The following ADGRG7 variants were observed in gnomAD, a reference collection of about 807,000 sequenced individuals.
The protein encoded by ADGRG7 is adhesion G protein-coupled receptor G7, also known as G-protein coupled receptor 128.
ADGRG7 carries 82 observed loss-of-function variants against 88.6 expected under a neutral mutation model. The observed-to-expected ratio is 0.93, with a 90% CI of 0.77 to 1.11. The LOEUF (loss-of-function observed/expected upper bound fraction) is 1.11. ADGRG7 is among the 50% of genes most tolerant of loss of function. The pLI, the probability that ADGRG7 is intolerant of heterozygous loss-of-function variation, is 0.00. For synonymous variants in ADGRG7, 381 were observed against 345.2 expected (o/e 1.10, Z -1.15); for missense variants, 945 against 953.4 (o/e 0.99, Z 0.12).
At chr3:100,653,531 A>G (rs1293175582) in intron 11 of ADGRG7, among the ~76,000 whole-genome samples, 1 of 152,242 alleles carries the variant, frequency 6.6e-6, no homozygotes, top group Non-Finnish European at 1.5e-5. Context: ...TGGCCTTCAC[A>G]TAAGCTTGCA....
chr3:100,640,271 A>G (rs1436084410), intron 6 of ADGRG7, among the ~76,000 whole-genome samples: 1 of 152,196 alleles, frequency 6.6e-6, no homozygotes, highest in Non-Finnish European at 1.5e-5. Flanking sequence ...GACAGACATC[A>G]GGCCTTAGTC....
intron 3 of ADGRG7, 127 bp from the exon 4 acceptor site, chr3:100,633,138 C>T (rs1006612155): frequency 4.6e-6 from 2 of 435,130 alleles, no homozygotes; most frequent in African/African-American, 2.1e-5. Context: ...TGGTATCTGC[C>T]TAAAAATAAT....
At chr3:100,624,030 T>G (rs1395330400) in intron 1 of ADGRG7, among the ~76,000 whole-genome samples, 1 of 152,186 alleles carries the variant, frequency 6.6e-6, no homozygotes, top group African/African-American at 2.4e-5. Flanking sequence ...TGTGTCTTTA[T>G]AGTGGAATGA....
At chr3:100,649,258 C>T (rs2094924568) in intron 10 of ADGRG7, among the ~76,000 whole-genome samples, 1 of 152,214 alleles carries the variant, frequency 6.6e-6, no homozygotes, top group African/African-American at 2.4e-5. Flanking sequence ...CTGCCCTCCA[C>T]ATTGGCAGGT....
At chr3:100,690,421 TC>T (rs2094991275) in intron 15 of ADGRG7, among the ~76,000 whole-genome samples, 1 of 152,218 alleles carries the variant, frequency 6.6e-6, no homozygotes, top group African/African-American at 2.4e-5. Context: ...GGAGCTGCAT[TC>T]CTTTGGAGGA....
chr3:100,659,867 G>A lies in ADGRG7; in HGVS notation c.1979+24G>A, dbSNP rs1471814962. 1.9e-6 allele frequency: 3 copies of A among 1,608,216 alleles called. No individual in the cohort carries two copies. The East Asian group carries it at 6.7e-5, about 36-fold the overall frequency. The stretch of plus-strand genomic sequence containing the variant: ...AGGTAAGATTCCCAATGAATGGGAA[G>A]CTGCCAGGCAAGGCTCATCCAGCAC... On this transcript the variant is annotated intron_variant, in intron 14 of 15. Coordinates refer to ENST00000273352, the MANE Select transcript of ADGRG7 (RefSeq NM_032787.3).
At chr3:100,666,801 C>G (rs565611119) in intron 14 of ADGRG7, among the ~76,000 whole-genome samples, 1 of 152,250 alleles carries the variant, frequency 6.6e-6, no homozygotes, top group South Asian at 2.1e-4. Context: ...GGCAGAGGTC[C>G]CTGAGTGTTT....
intron 14 of ADGRG7, among the ~76,000 whole-genome samples, chr3:100,664,485 A>T (rs1272533045): frequency 1.3e-5 from 2 of 152,158 alleles, no homozygotes; most frequent in African/African-American, 4.8e-5. Context: ...GTGATTGATG[A>T]ACATAGTTTC....
intron 1 of ADGRG7, among the ~76,000 whole-genome samples, chr3:100,627,515 C>T (rs1707396015): frequency 6.6e-6 from 1 of 151,976 alleles, no homozygotes; most frequent in African/African-American, 2.4e-5. Context: ...ATTTATTGGC[C>T]TGTAACTTTA....
At chr3:100,658,649 A>C (rs2094940745) in intron 13 of ADGRG7, among the ~76,000 whole-genome samples, 1 of 152,076 alleles carries the variant, frequency 6.6e-6, no homozygotes, top group African/African-American at 2.4e-5. Context: ...TCTTTGCTCA[A>C]ATACAGCTTT....
At position 100,609,965 on chromosome 3, in the gene ADGRG7, C is replaced by A; in HGVS notation, c.109C>A (p.Gln37Lys). 1 of 1,611,316 alleles carries A rather than the reference C, an allele frequency of 6.2e-7. No individual in the cohort carries two copies. The highest frequency in any genetic ancestry group is 1.1e-5 in the South Asian group (1 of 90,968). Residue 37 changes from glutamine to lysine, a missense_variant, in exon 1 of 16, where the codon CAA becomes AAA. Transcript: ENST00000273352. ...CATCTGGAGGATTGTGATCAGGATCCAAAGAGGTAATGTTGTCCTGCTATG... is the reference window on the plus strand; with the variant it reads ...CATCTGGAGGATTGTGATCAGGATCAAAAGAGGTAATGTTGTCCTGCTATG... ...LGIWRIVIRI[Q>K]RGKSTSSSST...
intron 8 of ADGRG7, among the ~76,000 whole-genome samples, chr3:100,644,703 A>AT (rs1301368553): frequency 1.3e-4 from 19 of 151,572 alleles, no homozygotes; most frequent in Admixed American, 9.8e-4. Context: ...AAAAAATTAA[A>AT]TTTTTTTTGT....
Position 100,681,586 on chromosome 3 carries a change from C to G in ADGRG7, c.2136+12481C>G, listed in dbSNP as rs915639518. ...TCAGACTCCCAAAGTGCTGGGATTA[C>G]AGTTGTGAGCCACCACACCAGACAT... On this transcript the variant is annotated intron_variant, in intron 15 of 15. Transcript: ENST00000273352. Among the ~76,000 whole-genome samples the G allele has an allele frequency of 2.6e-5, 4 of 152,190 alleles. No homozygotes were observed. In the South Asian group the frequency reaches 8.3e-4, roughly 32 times the overall value.
intron 4 of ADGRG7, 145 bp downstream of exon 4, chr3:100,633,522 ATTAT>A (rs1399239178): frequency 1.9e-4 from 85 of 442,266 alleles, no homozygotes; most frequent in South Asian, 3.6e-4. Context: ...AGCCACTCTT[ATTAT>A]TTATTTATTT....
In ADGRG7 at chr3:100,630,345, T is replaced by C. The variant is rs148017033; in HGVS notation, c.230-360T>C. Among the ~76,000 whole-genome samples, 75 of 152,294 alleles carry C rather than the reference T, an allele frequency of 4.9e-4. 2 individuals carry two copies. In the East Asian group the frequency reaches 0.013, roughly 26 times the overall value. ...CAGTCAATATATCCCACAGATCCCA[T>C]GAATTTGCCTTTTTGCTTTGCCCAC... On this transcript the variant is annotated intron_variant, in intron 2 of 15. Transcript: ENST00000273352.
At chr3:100,623,533 T>A (rs1707341273) in intron 1 of ADGRG7, among the ~76,000 whole-genome samples, 2 of 152,168 alleles carry the variant, frequency 1.3e-5, no homozygotes, top group African/African-American at 4.8e-5. Context: ...TTTCCAATTT[T>A]TAAAAAAAAT....
At chr3:100,634,235 C>A (rs932298341) in intron 4 of ADGRG7, among the ~76,000 whole-genome samples, 3 of 152,172 alleles carry the variant, frequency 2.0e-5, no homozygotes, top group African/African-American at 4.8e-5. Flanking sequence ...GGAAACCAAC[C>A]TTTATGTACA....
In ADGRG7 at chr3:100,694,754, T is replaced by G. The variant is rs941985978; in HGVS notation, c.2147T>G (p.Ile716Ser). 1.9e-6 allele frequency: 3 copies of G among 1,613,700 alleles called. No homozygotes were observed. The highest frequency in any genetic ancestry group is 2.5e-6 in the Non-Finnish European group (3 of 1,179,722). The change falls in exon 16 of 16, where the codon ATT (isoleucine) becomes AGT (serine). Residue 716 changes from isoleucine (I) to serine (S), a missense_variant. Transcript: ENST00000273352. ...TTGTTCTATCTGCAGGGATTGCAAA[T>G]TTTTATCCTGTACACTGTTAGAACA... is the stretch of plus-strand genomic sequence containing the variant. The part of the protein sequence containing the change: ...CLFNTTQGLQ[I>S]FILYTVRTKV...
chr3:100,663,914 C>T (rs2094948631), intron 14 of ADGRG7, among the ~76,000 whole-genome samples: 1 of 151,972 alleles, frequency 6.6e-6, no homozygotes, highest in African/African-American at 2.4e-5. Context: ...GCATCCAGTT[C>T]AGAATATCTT....
Sources: allele counts gnomAD v4.1 joint callset (sites outside exome capture counted in the v4.1 genomes callset), GRCh38; gene constraint gnomAD v4.1.1; transcripts MANE v1.5; gene names NCBI Gene and HGNC (gene_info 2026-07-23, HGNC 2026-07-21).